Variants in GET3 observed in about 807,000 individuals in gnomAD.
The protein encoded by GET3 is ATPase GET3.
Under a neutral mutation model 32.4 loss-of-function variants are expected in GET3, and 15 were observed. The observed-to-expected ratio is 0.46, with a 90% confidence interval of 0.31 to 0.71. GET3 has a LOEUF of 0.71. Ranked by LOEUF, GET3 falls within the 30% of genes least tolerant of loss-of-function variation. The pLI is 0.05. For missense variants in GET3, 333 were observed against 459.0 expected, an observed-to-expected ratio of 0.73 and a Z score of 2.51; for synonymous variants, 198 against 185.6, an observed-to-expected ratio of 1.07 and a Z score of -0.54.
At chr19:12,746,273 C>T (rs1967769339) in intron 4 of GET3, among the ~76,000 whole-genome samples, 1 of 152,210 alleles carries the variant, frequency 6.6e-6, no homozygotes, top group Non-Finnish European at 1.5e-5. Flanking sequence ...GCTGGGACTA[C>T]AGACATGTAC....
chr19:12,742,091 C>A (rs1967681408), intron 2 of GET3, among the ~76,000 whole-genome samples: 1 of 151,938 alleles, frequency 6.6e-6, no homozygotes, highest in African/African-American at 2.4e-5. Context: ...AAAGGGAGAC[C>A]CTTTCTCTAC....
intron 2 of GET3, among the ~76,000 whole-genome samples, chr19:12,741,564 G>C (rs1273946314): frequency 6.6e-6 from 1 of 151,902 alleles, no homozygotes; most frequent in African/African-American, 2.4e-5. Flanking sequence ...TTCGAGACCA[G>C]CCTGACCAAT....
At chr19:12,746,967 G>T (rs537975597) in intron 4 of GET3, among the ~76,000 whole-genome samples, 1 of 149,270 alleles carries the variant, frequency 6.7e-6, no homozygotes, top group Non-Finnish European at 1.5e-5. Context: ...CCAAAATCAC[G>T]CCATTGTACT....
chr19:12,743,146 G>A (rs1967700645), intron 2 of GET3, among the ~76,000 whole-genome samples: 1 of 152,224 alleles, frequency 6.6e-6, no homozygotes. Flanking sequence ...TGGGACCCAT[G>A]AAGTTACCAA....
Position 12,737,558 on chromosome 19 carries a change from C to T in GET3, c.53C>T (p.Ala18Val). 1.2e-6 allele frequency: 2 copies of T among 1,607,260 alleles called. No homozygotes were observed. The highest frequency in any genetic ancestry group is 1.7e-6 in the Non-Finnish European group (2 of 1,177,432). The change falls in exon 1 of 7, where the codon GCT becomes GTT. Residue 18 changes from alanine (A) to valine (V), a missense_variant. By Grantham distance (64) the Ala-to-Val change is moderately conservative. This residue lies in a region of GET3 where 64 missense variants were observed against 36.7 expected (regional missense o/e 1.74). Coordinates refer to ENST00000357332, the MANE Select transcript of GET3 (RefSeq NM_004317.4). Reference sequence around the variant, plus strand: ...GTTGAGGCAGAGGAGTTCGAAGATGCTCCTGATGTGGAGCCGCTGGAGCCT... The same window carrying T: ...GTTGAGGCAGAGGAGTTCGAAGATGTTCCTGATGTGGAGCCGCTGGAGCCT... ...WGVEAEEFEDAPDVEPLEPTL... is the reference protein window; with the variant it reads ...WGVEAEEFEDVPDVEPLEPTL...
rs573272180 is a variant in GET3, at chr19:12,745,133, A to G, written c.310-244A>G. 6.6e-6 allele frequency among the ~76,000 whole-genome samples: 1 copy of G among 152,116 alleles called. No individual in the cohort carries two copies. Among genetic ancestry groups the G allele is most frequent in the East Asian group, 1.9e-4 (1 of 5,164 alleles). On this transcript the variant is annotated intron_variant, in intron 2 of 6. Coordinates refer to ENST00000357332, the MANE Select transcript of GET3 (RefSeq NM_004317.4). This position sits in a 1 kb window ranked among gnomAD's most constrained non-coding sequence, Gnocchi z 5.0. Reference sequence around the variant, plus strand: ...CGCAGTGGGTTTCAGCTTCCCTTTGAGGGCCCTGGGCACAGCTTGCAATTT... The same window carrying G: ...CGCAGTGGGTTTCAGCTTCCCTTTGGGGGCCCTGGGCACAGCTTGCAATTT...
chr19:12,738,070 G>T (rs1277002251), intron 1 of GET3, among the ~76,000 whole-genome samples: 1 of 152,142 alleles, frequency 6.6e-6, no homozygotes, highest in Admixed American at 6.5e-5. Context: ...GAGAGCACGT[G>T]ATGAGACTGT....
chr19:12,744,823 GCC>G (rs1366816304), intron 2 of GET3, among the ~76,000 whole-genome samples: 8 of 152,058 alleles, frequency 5.3e-5, no homozygotes, highest in Non-Finnish European at 7.4e-5. Context: ...TTGCTATATT[GCC>G]CAGGCTGGTG....
intron 2 of GET3, among the ~76,000 whole-genome samples, chr19:12,743,136 T>C (rs1345995581): frequency 6.6e-6 from 1 of 152,188 alleles, no homozygotes; most frequent in Non-Finnish European, 1.5e-5. Flanking sequence ...TACTTCCCCA[T>C]GGGACCCATG....
At chr19:12,737,338 G>T, upstream of GET3, 2 of 1,016,490 alleles carry the variant, frequency 2.0e-6, no homozygotes, top group Non-Finnish European at 2.7e-6. Flanking sequence ...TTGACAAAGT[G>T]AACCCTGGAA....
At position 12,737,533 on chromosome 19, in the gene GET3, G is replaced by T. The variant is rs749041448; in HGVS notation, c.28G>T (p.Val10Phe). The change falls in exon 1 of 7, where the codon GTT (valine) becomes TTT (phenylalanine). Residue 10 changes from valine (V) to phenylalanine (F), a missense_variant. Physicochemically the swap from Val to Phe is conservative, Grantham distance 50. Transcript: ENST00000357332. ...GGCGGCAGGGGTGGCCGGGTGGGGG[G>T]TTGAGGCAGAGGAGTTCGAAGATGC... The part of the protein sequence containing the change: MAAGVAGWG[V>F]EAEEFEDAPD... The T allele has an allele frequency of 4.2e-5, 67 of 1,581,016 alleles. 1 individual carries two copies. The highest frequency in any genetic ancestry group is 2.8e-4 in the East Asian group (12 of 42,310).
At chr19:12,742,921 G>A (rs1017719100) in intron 2 of GET3, among the ~76,000 whole-genome samples, 3 of 152,190 alleles carry the variant, frequency 2.0e-5, no homozygotes, top group Non-Finnish European at 2.9e-5. Flanking sequence ...ACAGCAAGGG[G>A]AAAGGGAGTG....
In GET3 at chr19:12,745,872, C is replaced by A; in HGVS notation, c.609+113C>A. On this transcript the variant is annotated intron_variant, in intron 4 of 6. Coordinates refer to ENST00000357332, the MANE Select transcript of GET3 (RefSeq NM_004317.4). This position sits in a 1 kb window ranked among gnomAD's most constrained non-coding sequence, Gnocchi z 5.0. ...CAATTCCCTTTCCTTCCCACCCCTT[C>A]TCACTCTGGACTTCTCCCTGGAGGG... The A allele has an allele frequency of 7.3e-7, 1 of 1,378,472 alleles. No individual in the cohort carries two copies. The highest frequency in any genetic ancestry group is 9.7e-7 in the Non-Finnish European group (1 of 1,034,340). 85.4% of individuals were successfully genotyped at this position (1,378,472 alleles called of 1,614,324 possible).
intron 2 of GET3, among the ~76,000 whole-genome samples, chr19:12,739,958 A>G (rs1415337546): frequency 1.3e-5 from 2 of 151,026 alleles, no homozygotes; most frequent in Non-Finnish European, 3.0e-5. Flanking sequence ...AGGTAGGAGA[A>G]TCGCTAGAAC....
At chr19:12,739,087 T>A (rs1187440254) in intron 2 of GET3, among the ~76,000 whole-genome samples, 3 of 151,914 alleles carry the variant, frequency 2.0e-5, no homozygotes, top group Non-Finnish European at 4.4e-5. Flanking sequence ...ACAAGGAGAT[T>A]GGGGGTGTAA....
chr19:12,742,836 C>T (rs530116429), intron 2 of GET3, among the ~76,000 whole-genome samples: 3 of 152,018 alleles, frequency 2.0e-5, no homozygotes, highest in Non-Finnish European at 2.9e-5. Context: ...TGTGAGCTAC[C>T]GCGCCCGGCC....
In GET3 at chr19:12,745,128, C is replaced by G. The variant is rs558106332; in HGVS notation, c.310-249C>G. Among the ~76,000 whole-genome samples the G allele has an allele frequency of 6.6e-6, 1 of 152,168 alleles. No homozygotes were observed. Among genetic ancestry groups the G allele is most frequent in the South Asian group, 2.1e-4 (1 of 4,820 alleles). On this transcript the variant is annotated intron_variant, in intron 2 of 6. Coordinates refer to ENST00000357332, the MANE Select transcript of GET3 (RefSeq NM_004317.4). This position sits in a 1 kb window ranked among gnomAD's most constrained non-coding sequence, Gnocchi z 5.0. Reference sequence around the variant, plus strand: ...TGGCCCGCAGTGGGTTTCAGCTTCCCTTTGAGGGCCCTGGGCACAGCTTGC... The same window carrying G: ...TGGCCCGCAGTGGGTTTCAGCTTCCGTTTGAGGGCCCTGGGCACAGCTTGC...
At chr19:12,738,243 T>G (rs1344061228) in intron 1 of GET3, among the ~76,000 whole-genome samples, 1 of 152,112 alleles carries the variant, frequency 6.6e-6, no homozygotes, top group East Asian at 1.9e-4. Context: ...CATGCCACTG[T>G]GCCCAGCAAA....
At position 12,747,999 on chromosome 19, in the gene GET3, C is replaced by T; in HGVS notation, c.942C>T (p.His314=). Residue 314 remains histidine, a synonymous_variant, in exon 7 of 7, where the codon CAC becomes CAT. Transcript: ENST00000357332. This position sits in a 1 kb window ranked among gnomAD's most constrained non-coding sequence, Gnocchi z 4.0. ...DQMEDLYEDF[H]IVKLPLLPHE... ...TGGAGGACCTGTATGAAGACTTCCA[C>T]ATCGTGAAGCTGCCGCTGTTACCCC... 2.5e-6 allele frequency: 4 copies of T among 1,610,112 alleles called. No individual in the cohort carries two copies. The highest frequency in any genetic ancestry group is 3.4e-6 in the Non-Finnish European group (4 of 1,177,278).
Sources: allele counts gnomAD v4.1 joint callset (sites outside exome capture counted in the v4.1 genomes callset), GRCh38; gene constraint gnomAD v4.1.1; regional missense constraint gnomAD v4.1.1; non-coding constraint Gnocchi (gnomAD v3.1); transcripts MANE v1.5; gene names NCBI Gene and HGNC (gene_info 2026-07-23, HGNC 2026-07-21).